Variants in AREL1 observed in about 807,000 individuals in gnomAD.
AREL1 encodes the protein apoptosis-resistant E3 ubiquitin protein ligase 1.
Under a neutral mutation model 99.0 loss-of-function variants are expected in AREL1, and 62 were observed. That is an observed-to-expected ratio of 0.63 (90% CI 0.51 to 0.77). The LOEUF is 0.77. AREL1 is among the 30% of genes least tolerant of loss of function. The pLI is 0.00. For synonymous variants in AREL1, 380 were observed against 376.5 expected (o/e 1.01, Z -0.11); for missense variants, 879 against 1,027.6 (o/e 0.86, Z 1.98).
chr14:74,710,897 T>TTAA (rs1425670112), intron 1 of AREL1, among the ~76,000 whole-genome samples: 1 of 152,170 alleles, frequency 6.6e-6, no homozygotes, highest in African/African-American at 2.4e-5. Flanking sequence ...GTTTTGAGGT[T>TTAA]TATGAACACG....
chr14:74,664,508 C>T (rs1023430994), intron 18 of AREL1, among the ~76,000 whole-genome samples: 7 of 134,170 alleles, frequency 5.2e-5, no homozygotes. Context: ...GGCTGCAGTG[C>T]AGTGGCGTGA....
At chr14:74,677,904 C>T (rs2089530168) in intron 5 of AREL1, among the ~76,000 whole-genome samples, 2 of 149,896 alleles carry the variant, frequency 1.3e-5, no homozygotes, top group South Asian at 4.2e-4. Context: ...TTAACCACTG[C>T]AAACCCTAAG....
chr14:74,689,492 T>C (rs530392619), intron 2 of AREL1, among the ~76,000 whole-genome samples: 3 of 151,978 alleles, frequency 2.0e-5, no homozygotes, highest in South Asian at 4.2e-4. Context: ...AAAAATCCTA[T>C]CCACTCTCTC....
intron 1 of AREL1, among the ~76,000 whole-genome samples, chr14:74,699,351 G>A (rs992595770): frequency 1.5e-5 from 2 of 135,218 alleles, no homozygotes; most frequent in Non-Finnish European, 3.2e-5. Flanking sequence ...AGTGAGGGGT[G>A]TGTGTGTGTG....
At chr14:74,691,583 T>C (rs2089881922) in intron 2 of AREL1, among the ~76,000 whole-genome samples, 2 of 152,154 alleles carry the variant, frequency 1.3e-5, no homozygotes, top group South Asian at 2.1e-4. Flanking sequence ...AAATAAAGCA[T>C]GTCAAAGAAA....
chr14:74,666,161 T>C (rs963638226), intron 17 of AREL1, among the ~76,000 whole-genome samples: 1 of 152,222 alleles, frequency 6.6e-6, no homozygotes, highest in Non-Finnish European at 1.5e-5. Flanking sequence ...CTTCAGTTAA[T>C]AGAAATAAGA....
intron 2 of AREL1, 52 bp from the exon 3 acceptor site, chr14:74,685,712 A>G (rs1328752478): frequency 6.6e-7 from 1 of 1,507,182 alleles, no homozygotes; most frequent in Admixed American, 1.7e-5. Flanking sequence ...CCTCATAGCT[A>G]TCTCAGAGTA....
intron 1 of AREL1, among the ~76,000 whole-genome samples, chr14:74,701,432 G>C (rs547570893): frequency 1.3e-4 from 20 of 152,250 alleles, no homozygotes; most frequent in South Asian, 6.2e-4. Flanking sequence ...AGGCAAGAGA[G>C]AATGAGAGCC....
At chr14:74,666,718 ATTT>A (rs71449202) in intron 17 of AREL1, among the ~76,000 whole-genome samples, 4 of 131,966 alleles carry the variant, frequency 3.0e-5, no homozygotes, top group Non-Finnish European at 3.2e-5. Flanking sequence ...CTACTCATTG[ATTT>A]TTTTTTTTTT....
chr14:74,707,889 G>A lies in AREL1; in HGVS notation c.-334+5044C>T, dbSNP rs568539983. Among the ~76,000 whole-genome samples the A allele has an allele frequency of 4.3e-3, 653 of 151,076 alleles. 3 individuals carry two copies. The highest frequency in any genetic ancestry group is 7.0e-3 in the Non-Finnish European group (474 of 67,736). On this transcript the variant is annotated intron_variant, in intron 1 of 19. Transcript: ENST00000356357. ...GGAGAATGGCGTGAACCCGGGAGGCGGAGCTTGCAGTGAGCCGAGATGGCG... is the reference window on the plus strand; with the variant it reads ...GGAGAATGGCGTGAACCCGGGAGGCAGAGCTTGCAGTGAGCCGAGATGGCG...
Position 74,676,188 on chromosome 14 carries a change from T to C in AREL1, c.785A>G (p.Gln262Arg). Residue 262 changes from glutamine (Q) to arginine (R), a missense_variant, in exon 7 of 20, where the codon CAA becomes CGA. Coordinates refer to ENST00000356357, the MANE Select transcript of AREL1 (RefSeq NM_001039479.2). ...TTCACCATTATTGATTGGCTGATTT[T>C]GGTATGAAATGCAAGCATGGAAGCA... is the stretch of plus-strand genomic sequence containing the variant. ...RGCFHACISY[Q>R]NQPINNGEFD... 6.2e-7 allele frequency: 1 copy of C among 1,614,076 alleles called. No homozygotes were observed. The highest frequency in any genetic ancestry group is 8.5e-7 in the Non-Finnish European group (1 of 1,180,028).
At chr14:74,667,262 C>T in intron 17 of AREL1, 57 bp downstream of exon 17, 1 of 1,604,450 alleles carries the variant, frequency 6.2e-7, no homozygotes, top group Non-Finnish European at 8.5e-7. Flanking sequence ...CAAGCTGGTT[C>T]CTGTAAGCTA....
intron 5 of AREL1, chr14:74,678,295 G>C: frequency 2.3e-6 from 1 of 443,130 alleles, no homozygotes; most frequent in Non-Finnish European, 4.5e-6. Flanking sequence ...CCAGGAGTTC[G>C]AGACCACCCT....
chr14:74,675,497 A>G (rs2089449700), intron 8 of AREL1, among the ~76,000 whole-genome samples: 1 of 152,220 alleles, frequency 6.6e-6, no homozygotes, highest in Admixed American at 6.5e-5. Context: ...CAAAAGATCA[A>G]ATTGTTTTGA....
chr14:74,669,551 A>G, intron 15 of AREL1, 98 bp downstream of exon 15: 1 of 1,456,738 alleles, frequency 6.9e-7, no homozygotes, highest in South Asian at 1.4e-5. Context: ...CAACACAAAT[A>G]TGGAACATTT....
chr14:74,677,569 C>T (rs2089519738), intron 5 of AREL1, among the ~76,000 whole-genome samples: 1 of 134,802 alleles, frequency 7.4e-6, no homozygotes, highest in African/African-American at 2.8e-5. Context: ...TGCAGTGGCA[C>T]GATCTCGGCT....
intron 1 of AREL1, among the ~76,000 whole-genome samples, chr14:74,695,150 C>T (rs1374433255): frequency 6.7e-6 from 1 of 149,708 alleles, no homozygotes; most frequent in Non-Finnish European, 1.5e-5. Context: ...TGGCTCACTG[C>T]CTCACTACAA....
intron 12 of AREL1, 56 bp downstream of exon 12, chr14:74,671,351 GA>G: frequency 4.4e-6 from 1 of 229,728 alleles, no homozygotes; most frequent in Non-Finnish European, 8.9e-6. Context: ...TTTTTGTGGA[GA>G]AGGTGCGAGT....
chr14:74,700,155 C>T (rs988263872), intron 1 of AREL1, among the ~76,000 whole-genome samples: 1 of 152,216 alleles, frequency 6.6e-6, no homozygotes, highest in East Asian at 1.9e-4. Context: ...ATGATGATAA[C>T]AAGAATCAAC....
Sources: gnomAD v4.1 joint callset for allele counts (sites outside exome capture counted in the v4.1 genomes callset) on GRCh38, gnomAD v4.1.1 for gene constraint, MANE v1.5 for transcripts, NCBI Gene and HGNC (gene_info 2026-07-23, HGNC 2026-07-21) for gene names.